Variants in CUX2 observed in about 807,000 individuals in gnomAD.
The protein encoded by CUX2 is cut like homeobox 2.
In CUX2, 40 loss-of-function variants were observed where a neutral mutation model predicts 144.8. The observed-to-expected ratio is 0.28, with a 90% CI of 0.21 to 0.36. The LOEUF is 0.36. Ranked by LOEUF, CUX2 falls within the 10% of genes least tolerant of loss-of-function variation. The pLI is 1.00. For synonymous variants in CUX2, 827 were observed against 875.6 expected (o/e 0.94, Z 0.98); for missense variants, 1,615 against 1,994.0 (o/e 0.81, Z 3.62).
intron 1 of CUX2, among the ~76,000 whole-genome samples, chr12:111,094,163 T>A (rs75444832): frequency 6.6e-6 from 1 of 152,234 alleles, no homozygotes; most frequent in Non-Finnish European, 1.5e-5. Flanking sequence ...TATAACCTTC[T>A]GGCAGAGGAA....
intron 1 of CUX2, among the ~76,000 whole-genome samples, chr12:111,182,068 T>G (rs1206603609): frequency 2.0e-5 from 3 of 152,040 alleles, no homozygotes; most frequent in African/African-American, 4.8e-5. Flanking sequence ...TTTAAAAATG[T>G]GCAAAGGGAA....
intron 20 of CUX2, among the ~76,000 whole-genome samples, chr12:111,341,034 C>T (rs1888553165): frequency 6.6e-6 from 1 of 152,072 alleles, no homozygotes; most frequent in Admixed American, 6.6e-5. Context: ...GCGAGCGTAC[C>T]CTTTCTACAG....
rs761260797 is a variant in CUX2, at chr12:111,296,588, A to G, written c.704+49A>G. 3.3e-6 allele frequency: 5 copies of G among 1,532,656 alleles called. No individual in the cohort carries two copies. In the South Asian group the frequency reaches 5.8e-5, roughly 18 times the overall value. 94.9% of individuals were successfully genotyped at this position (1,532,656 alleles called of 1,614,324 possible). Reference sequence around the variant, plus strand: ...ACCTCCTCCCTTGGAGGCCTCCCAGACAGGCCTCCTCCTTCTGACCCTCCA... The same window carrying G: ...ACCTCCTCCCTTGGAGGCCTCCCAGGCAGGCCTCCTCCTTCTGACCCTCCA... On this transcript the variant is annotated intron_variant, in intron 8 of 21. Transcript: ENST00000261726.
In CUX2 at chr12:111,034,384, G is replaced by C. The variant is rs1869310156; in HGVS notation, c.63+144G>C. On this transcript the variant is annotated intron_variant, in intron 1 of 21. Coordinates refer to ENST00000261726, the MANE Select transcript of CUX2 (RefSeq NM_015267.4). This position sits in a 1 kb window ranked among gnomAD's most constrained non-coding sequence, Gnocchi z 4.2. Reference sequence around the variant, plus strand: ...GGGGCTCGCCGGGGCTCGGCCGCCCGCTGCCCATCGATAGGTATTAGGAAT... The same window carrying C: ...GGGGCTCGCCGGGGCTCGGCCGCCCCCTGCCCATCGATAGGTATTAGGAAT... 5.2e-6 allele frequency: 1 copy of C among 191,108 alleles called. No individual in the cohort carries two copies. Among genetic ancestry groups the C allele is most frequent in the African/African-American group, 2.4e-5 (1 of 41,938 alleles). The allele number at this position is 191,108 out of a possible 1,614,324, so 11.8% of individuals were successfully genotyped here.
At chr12:111,265,322 T>TTATTG (rs1398262605) in intron 4 of CUX2, among the ~76,000 whole-genome samples, 2 of 122,044 alleles carry the variant, frequency 1.6e-5, no homozygotes, top group African/African-American at 6.5e-5. Flanking sequence ...TTATTTTATT[T>TTATTG]TATTTTATTT....
chr12:111,163,232 C>T (rs575990334), intron 1 of CUX2, among the ~76,000 whole-genome samples: 72 of 152,244 alleles, frequency 4.7e-4, no homozygotes, highest in African/African-American at 1.6e-3. Flanking sequence ...ATAGTACTCA[C>T]TTGGAGGCTG....
At chr12:111,086,706 CT>C (rs1448139305) in intron 1 of CUX2, among the ~76,000 whole-genome samples, 1 of 152,144 alleles carries the variant, frequency 6.6e-6, no homozygotes, top group Non-Finnish European at 1.5e-5. Flanking sequence ...TCAGTTTCCT[CT>C]TCTTTAAAAT....
chr12:111,333,527 G>C (rs568254037), intron 18 of CUX2, among the ~76,000 whole-genome samples: 1 of 152,302 alleles, frequency 6.6e-6, no homozygotes, highest in South Asian at 2.1e-4. Flanking sequence ...CTGAAGAGTA[G>C]AGGCTGTTAT....
intron 1 of CUX2, among the ~76,000 whole-genome samples, chr12:111,173,861 A>G (rs1878688095): frequency 6.6e-6 from 1 of 152,200 alleles, no homozygotes; most frequent in South Asian, 2.1e-4. Context: ...CCCAGGTGAC[A>G]CTGATCCTGC....
At chr12:111,249,437 C>CCT in intron 3 of CUX2, among the ~76,000 whole-genome samples, 2 of 101,202 alleles carry the variant, frequency 2.0e-5, no homozygotes, top group South Asian at 2.8e-4. Context: ...TTAATAGACC[C>CCT]TTTTTTTGTT....
intron 1 of CUX2, among the ~76,000 whole-genome samples, chr12:111,167,699 T>G (rs1488898236): frequency 2.1e-5 from 3 of 146,204 alleles, no homozygotes; most frequent in Admixed American, 2.0e-4. Flanking sequence ...TGTTTGTTTG[T>G]TTGTTTCTTT....
At chr12:111,138,105 A>C (rs928630970) in intron 1 of CUX2, among the ~76,000 whole-genome samples, 1 of 152,138 alleles carries the variant, frequency 6.6e-6, no homozygotes, top group African/African-American at 2.4e-5. Context: ...TACCCCTCCC[A>C]CAGAGGATCT....
intron 4 of CUX2, among the ~76,000 whole-genome samples, chr12:111,274,037 G>T (rs1884745864): frequency 6.6e-6 from 1 of 152,220 alleles, no homozygotes; most frequent in Non-Finnish European, 1.5e-5. Context: ...GTACAGCTCA[G>T]TATATAAGAA....
At chr12:111,266,037 T>C (rs1438485296) in intron 4 of CUX2, among the ~76,000 whole-genome samples, 1 of 152,174 alleles carries the variant, frequency 6.6e-6, no homozygotes, top group African/African-American at 2.4e-5. Flanking sequence ...GGTTGGATAG[T>C]GTGGCCTCCA....
chr12:111,194,527 G>A (rs1012874907), intron 1 of CUX2, among the ~76,000 whole-genome samples: 2 of 152,174 alleles, frequency 1.3e-5, no homozygotes, highest in Non-Finnish European at 2.9e-5. Context: ...CTAGACTCCC[G>A]ACCCTGCTGG....
chr12:111,317,051 CCT>C (rs1555215579), intron 16 of CUX2, among the ~76,000 whole-genome samples: 1 of 152,138 alleles, frequency 6.6e-6, no homozygotes, highest in Non-Finnish European at 1.5e-5. Context: ...TGTTGTAGCC[CCT>C]GTTAGTGCTT....
chr12:111,240,516 C>A (rs140203426), intron 3 of CUX2, among the ~76,000 whole-genome samples: 1 of 152,356 alleles, frequency 6.6e-6, no homozygotes, highest in African/African-American at 2.4e-5. Context: ...TATCACCGGT[C>A]TAGCCTGAGA....
intron 3 of CUX2, among the ~76,000 whole-genome samples, chr12:111,249,195 C>T (rs1481283678): frequency 2.0e-5 from 3 of 152,152 alleles, no homozygotes; most frequent in East Asian, 1.9e-4. Context: ...ACTCACACAG[C>T]GCAGAGAACA....
intron 18 of CUX2, among the ~76,000 whole-genome samples, chr12:111,334,187 A>T (rs1384450321): frequency 1.6e-5 from 1 of 60,770 alleles, no homozygotes; most frequent in Admixed American, 1.6e-4. Context: ...ACTCCGTCTT[A>T]AAAAAAAAAA....
Sources: allele counts gnomAD v4.1 joint callset (sites outside exome capture counted in the v4.1 genomes callset), GRCh38; gene constraint gnomAD v4.1.1; non-coding constraint Gnocchi (gnomAD v3.1); transcripts MANE v1.5; gene names NCBI Gene and HGNC (gene_info 2026-07-23, HGNC 2026-07-21).